GGPS1: variants seen among roughly 807,000 people sequenced by gnomAD.
The protein encoded by GGPS1 is geranylgeranyl diphosphate synthase 1, also known as geranylgeranyl pyrophosphate synthase.
Under a neutral mutation model 28.1 loss-of-function variants are expected in GGPS1, and 15 were observed. The ratio of observed to expected loss-of-function variants is 0.53; its 90% CI spans 0.36 to 0.82. The LOEUF (loss-of-function observed/expected upper bound fraction) is 0.82. Among genes scored for constraint, GGPS1 ranks in the 40% least tolerant of loss-of-function variants. The probability of loss-of-function intolerance (pLI) is 0.01; values close to 1 mark genes in which losing one functional copy is unlikely to be tolerated. For missense variants in GGPS1, 284 were observed against 348.3 expected, an observed-to-expected ratio of 0.82 and a Z score of 1.47; for synonymous variants, 138 against 122.4, an observed-to-expected ratio of 1.13 and a Z score of -0.84.
At position 235,342,061 on chromosome 1, in the gene GGPS1, T is replaced by C. The variant is rs1010016696; in HGVS notation, c.192T>C (p.Asp64=). 6.2e-7 allele frequency: 1 copy of C among 1,606,326 alleles called. No individual in the cohort carries two copies. Among genetic ancestry groups the C allele is most frequent in the East Asian group, 2.2e-5 (1 of 44,858 alleles). Residue 64 remains aspartate, a synonymous_variant, in exon 4 of 4, where the codon GAT becomes GAC. Transcript: ENST00000282841. ...TGCATAATGCCAGTTTACTCATCGA[T>C]GATATTGAAGACAACTCAAAACTCC... ...EMLHNASLLI[D]DIEDNSKLRR...
chr1:235,332,202 CT>C, intron 1 of GGPS1, among the ~76,000 whole-genome samples: 1 of 152,330 alleles, frequency 6.6e-6, no homozygotes, highest in African/African-American at 2.4e-5. Context: ...ATTAAGTAAT[CT>C]TTCATCATCC....
chr1:235,339,254 G>C (rs540467507), intron 2 of GGPS1, among the ~76,000 whole-genome samples: 135 of 149,682 alleles, frequency 9.0e-4, no homozygotes, highest in African/African-American at 3.0e-3. Context: ...AGCCAAGATC[G>C]TGACACTGTA....
At position 235,332,962 on chromosome 1, in the gene GGPS1, G is replaced by A. The variant is rs1237299197; in HGVS notation, c.-23-2280G>A. On this transcript the variant is annotated intron_variant, in intron 1 of 3. Coordinates refer to ENST00000282841, the MANE Select transcript of GGPS1 (RefSeq NM_004837.4). ...GGGCACCTGTAGTCCCAGCTACTCAGAAGGCTGAGTCAGGAGAATTGCTTG... is the reference window on the plus strand; with the variant it reads ...GGGCACCTGTAGTCCCAGCTACTCAAAAGGCTGAGTCAGGAGAATTGCTTG... Among the ~76,000 whole-genome samples, 3 of 149,908 alleles carry A rather than the reference G, an allele frequency of 2.0e-5. No homozygotes were observed. The East Asian group carries it at 5.9e-4, about 30-fold the overall frequency.
intron 2 of GGPS1, among the ~76,000 whole-genome samples, chr1:235,339,280 C>A (rs544194026): frequency 6.6e-6 from 1 of 151,580 alleles, no homozygotes. Context: ...GCCTGGGCAA[C>A]AAGAGCAAAA....
Position 235,335,337 on chromosome 1 carries a change from AATAC to A in GGPS1, c.70+4_70+7del. On this transcript the variant is annotated splice_donor_5th_base_variant and intron_variant, in intron 2 of 3. Coordinates refer to ENST00000282841, the MANE Select transcript of GGPS1 (RefSeq NM_004837.4). ...TAAATACTTACTTCAGTTACCAGGT[AATAC>A]TTCACTTACAGTCCATATAGGGTCA... 1 of 1,396,926 alleles carries A rather than the reference AATAC, an allele frequency of 7.2e-7. No individual in the cohort carries two copies. The allele number at this position is 1,396,926 out of a possible 1,614,324, so 86.5% of individuals were successfully genotyped here.
At chr1:235,337,511 AT>A (rs1398684783) in intron 2 of GGPS1, among the ~76,000 whole-genome samples, 2 of 152,232 alleles carry the variant, frequency 1.3e-5, no homozygotes, top group East Asian at 3.9e-4. Context: ...TAACACACTT[AT>A]TTTTTTACAG....
At chr1:235,332,525 C>A (rs1183569325) in intron 1 of GGPS1, among the ~76,000 whole-genome samples, 2 of 152,124 alleles carry the variant, frequency 1.3e-5, no homozygotes, top group East Asian at 3.8e-4. Flanking sequence ...CTGTAATAAA[C>A]ACATAGTGCA....
At chr1:235,338,393 A>G (rs894580636) in intron 2 of GGPS1, among the ~76,000 whole-genome samples, 3 of 151,332 alleles carry the variant, frequency 2.0e-5, no homozygotes, top group Non-Finnish European at 4.4e-5. Flanking sequence ...GAAAAAAAAA[A>G]GGGGGGGAAA....
intron 1 of GGPS1, among the ~76,000 whole-genome samples, chr1:235,331,148 T>G (rs1051899936): frequency 6.6e-6 from 1 of 152,194 alleles, no homozygotes; most frequent in Non-Finnish European, 1.5e-5. Context: ...CTTACTTGAT[T>G]CTTTATGAGC....
chr1:235,338,613 T>C (rs560928487), intron 2 of GGPS1, among the ~76,000 whole-genome samples: 30 of 152,260 alleles, frequency 2.0e-4, no homozygotes, highest in African/African-American at 6.7e-4. Context: ...GGCTGACTTA[T>C]TATCCCAGCA....
At position 235,342,349 on chromosome 1, in the gene GGPS1, A is replaced by G; in HGVS notation, c.480A>G (p.Val160=). The G allele has an allele frequency of 6.2e-7, 1 of 1,613,534 alleles. No individual in the cohort carries two copies. Among genetic ancestry groups the G allele is most frequent in the Non-Finnish European group, 8.5e-7 (1 of 1,179,378 alleles). ...CAGGTGGACTGTTTGGATTAGCAGT[A>G]GGTCTCATGCAGTTGTTCTCTGATT... The part of the protein sequence containing the change: ...QKTGGLFGLA[V]GLMQLFSDYK... The change falls in exon 4 of 4, where the codon GTA becomes GTG. Residue 160 remains valine (V), a synonymous_variant. Coordinates refer to ENST00000282841, the MANE Select transcript of GGPS1 (RefSeq NM_004837.4).
At position 235,343,550 on chromosome 1, in the gene GGPS1, C is replaced by CA. The variant is rs34532438; in HGVS notation, c.*786dup. On this transcript the variant is annotated 3_prime_UTR_variant, in exon 4 of 4. Coordinates refer to ENST00000282841, the MANE Select transcript of GGPS1 (RefSeq NM_004837.4). The stretch of plus-strand genomic sequence containing the variant: ...TGGGTGACAGAGCGAGACTCCGTCT[C>CA]AAAAAAAAGGGCTGATAATGATAAA... 0.28 allele frequency: 46,835 copies of CA among 166,018 alleles called. 7,734 individuals carry two copies. Among genetic ancestry groups the CA allele is most frequent in the South Asian group, 0.52 (2,505 of 4,794 alleles). The allele number at this position is 166,018 out of a possible 1,614,324, so 10.3% of individuals were successfully genotyped here. A position where few individuals can be genotyped will look rare whatever the true frequency, so the allele number is the denominator to read the frequency against.
At chr1:235,331,221 A>G (rs1369611529) in intron 1 of GGPS1, among the ~76,000 whole-genome samples, 1 of 152,146 alleles carries the variant, frequency 6.6e-6, no homozygotes. Context: ...GAAATTTTCC[A>G]TATGGGATGT....
In GGPS1 at chr1:235,344,266, G is replaced by A. The variant is rs1362329415; in HGVS notation, c.*1494G>A. 2 of 166,660 alleles carry A rather than the reference G, an allele frequency of 1.2e-5. No individual in the cohort carries two copies. Among genetic ancestry groups the A allele is most frequent in the Non-Finnish European group, 2.9e-5 (2 of 68,058 alleles). The allele number at this position is 166,660 out of a possible 1,614,324, so 10.3% of individuals were successfully genotyped here. ...GCTTGGTTCTATAGTATGTTACTTA[G>A]GATCTATTTACCATATATTTGTATG... On this transcript the variant is annotated 3_prime_UTR_variant, in exon 4 of 4. Transcript: ENST00000282841.
At chr1:235,330,575 T>C (rs1162922887) in intron 1 of GGPS1, 1 of 150,348 alleles carries the variant, frequency 6.7e-6, no homozygotes, top group African/African-American at 2.5e-5. Flanking sequence ...TGTATGTAAA[T>C]ATCCTCTGGG....
upstream of GGPS1, chr1:235,327,531 C>A (rs893035347): frequency 1.3e-5 from 2 of 152,240 alleles, no homozygotes; most frequent in African/African-American, 4.8e-5. Flanking sequence ...GCGGAACGGC[C>A]CCCACCCTGC....
chr1:235,329,735 C>T (rs2103336581), intron 1 of GGPS1: 1 of 152,234 alleles, frequency 6.6e-6, no homozygotes, highest in East Asian at 1.9e-4. Flanking sequence ...GGGATATCTT[C>T]CAAGGAATCT....
In GGPS1 at chr1:235,343,694, CTTT is replaced by C. The variant is rs1676125399; in HGVS notation, c.*927_*929del. 6.0e-6 allele frequency: 1 copy of C among 166,860 alleles called. No individual in the cohort carries two copies. Among genetic ancestry groups the C allele is most frequent in the South Asian group, 2.1e-4 (1 of 4,822 alleles). 10.3% of individuals were successfully genotyped at this position (166,860 alleles called of 1,614,324 possible). A position where few individuals can be genotyped will look rare whatever the true frequency, so the allele number is the denominator to read the frequency against. On this transcript the variant is annotated 3_prime_UTR_variant, in exon 4 of 4. Coordinates refer to ENST00000282841, the MANE Select transcript of GGPS1 (RefSeq NM_004837.4). ...ATGAAATTCACATGCTAGTCTAAAT[CTTT>C]TTTTCTCCCTTGTAACATTTATGTG...
intron 2 of GGPS1, among the ~76,000 whole-genome samples, chr1:235,341,472 C>T (rs925716916): frequency 6.6e-6 from 1 of 152,152 alleles, no homozygotes; most frequent in African/African-American, 2.4e-5. Flanking sequence ...GCTTTAGAGT[C>T]TCCCGTGCCT....
Sources: gnomAD v4.1 joint callset for allele counts (sites outside exome capture counted in the v4.1 genomes callset) on GRCh38, gnomAD v4.1.1 for gene constraint, MANE v1.5 for transcripts, NCBI Gene and HGNC (gene_info 2026-07-23, HGNC 2026-07-21) for gene names.